DSCAM: variants seen among roughly 807,000 people sequenced by gnomAD.
DSCAM encodes the protein DS cell adhesion molecule.
In DSCAM, 47 loss-of-function variants were observed where a neutral mutation model predicts 217.7. The ratio of observed to expected loss-of-function variants is 0.22; its 90% CI spans 0.17 to 0.28. DSCAM has a LOEUF of 0.28. Ranked by LOEUF, DSCAM falls within the 10% of genes least tolerant of loss-of-function variation. The probability of loss-of-function intolerance (pLI) is 1.00; values close to 1 mark genes in which losing one functional copy is unlikely to be tolerated. For missense variants in DSCAM, 2,080 were observed against 2,618.3 expected, an observed-to-expected ratio of 0.79 and a Z score of 4.49; for synonymous variants, 1,056 against 1,015.3, an observed-to-expected ratio of 1.04 and a Z score of -0.76.
intron 3 of DSCAM, among the ~76,000 whole-genome samples, chr21:40,445,959 G>A (rs1433558052): frequency 6.6e-6 from 1 of 152,128 alleles, no homozygotes; most frequent in East Asian, 1.9e-4. Context: ...AGAAAAATAT[G>A]TGCATATCTG....
chr21:40,459,634 C>T (rs551417021), intron 3 of DSCAM, among the ~76,000 whole-genome samples: 55 of 152,160 alleles, frequency 3.6e-4, no homozygotes, highest in African/African-American at 1.3e-3. Flanking sequence ...ATTGAGTAAG[C>T]GGAATGCAGA....
chr21:40,045,160 C>G (rs1249106797), intron 30 of DSCAM, among the ~76,000 whole-genome samples: 1 of 152,182 alleles, frequency 6.6e-6, no homozygotes, highest in African/African-American at 2.4e-5. Flanking sequence ...TTTGGTGGTA[C>G]TACGTTAAAA....
At chr21:40,774,100 T>G (rs1453582800) in intron 1 of DSCAM, among the ~76,000 whole-genome samples, 1 of 152,186 alleles carries the variant, frequency 6.6e-6, no homozygotes, top group East Asian at 1.9e-4. Context: ...CAGAGCACTT[T>G]AAGACAACAG....
At chr21:40,609,529 C>A (rs193085018) in intron 3 of DSCAM, among the ~76,000 whole-genome samples, 10 of 152,156 alleles carry the variant, frequency 6.6e-5, no homozygotes, top group Admixed American at 3.9e-4. Context: ...GTAGCAAGGA[C>A]GGCAATTAAG....
chr21:40,523,288 C>T (rs1408289413), intron 3 of DSCAM, among the ~76,000 whole-genome samples: 3 of 152,074 alleles, frequency 2.0e-5, no homozygotes, highest in Non-Finnish European at 1.5e-5. Context: ...ATTGCAATTC[C>T]CAAGACCACC....
chr21:40,383,812 A>G (rs1439556709), intron 3 of DSCAM: 1 of 152,184 alleles, frequency 6.6e-6, no homozygotes, highest in South Asian at 2.1e-4. Context: ...TTATAATTAC[A>G]TTGTTTTAAG....
intron 3 of DSCAM, among the ~76,000 whole-genome samples, chr21:40,414,754 G>C (rs1222331444): frequency 6.6e-6 from 1 of 152,182 alleles, no homozygotes. Context: ...TCTCGAGTGA[G>C]TCATTACCTG....
intron 3 of DSCAM, among the ~76,000 whole-genome samples, chr21:40,521,787 GCA>G (rs958675167): frequency 6.6e-6 from 1 of 152,110 alleles, no homozygotes; most frequent in Non-Finnish European, 1.5e-5. Context: ...GCGTTCTGTT[GCA>G]CAGTCTGGCA....
intron 3 of DSCAM, among the ~76,000 whole-genome samples, chr21:40,509,815 T>C (rs960086240): frequency 1.3e-5 from 2 of 152,330 alleles, no homozygotes; most frequent in African/African-American, 4.8e-5. Flanking sequence ...TTATTACACA[T>C]GCTTTGATCT....
chr21:40,365,018 A>C (rs1453181923), intron 4 of DSCAM, among the ~76,000 whole-genome samples: 1 of 150,692 alleles, frequency 6.6e-6, no homozygotes, highest in Non-Finnish European at 1.5e-5. Flanking sequence ...CTTTTCACTT[A>C]TCCCACTATA....
intron 1 of DSCAM, among the ~76,000 whole-genome samples, chr21:40,814,099 G>A (rs1428602551): frequency 6.6e-6 from 1 of 152,186 alleles, no homozygotes; most frequent in African/African-American, 2.4e-5. Context: ...TAATACCCAA[G>A]AGGAAGCAGA....
intron 11 of DSCAM, among the ~76,000 whole-genome samples, chr21:40,249,924 C>T (rs2073279381): frequency 6.6e-6 from 1 of 152,180 alleles, no homozygotes; most frequent in Admixed American, 6.5e-5. Context: ...GGCCTCCTGG[C>T]ACTATTCCAA....
intron 1 of DSCAM, among the ~76,000 whole-genome samples, chr21:40,827,238 A>G (rs1236953442): frequency 1.3e-5 from 2 of 152,176 alleles, no homozygotes; most frequent in Non-Finnish European, 2.9e-5. Context: ...GAGGAAATCT[A>G]GAAACGTGGC....
chr21:40,257,612 G>C (rs567809095), intron 11 of DSCAM, among the ~76,000 whole-genome samples: 1 of 152,104 alleles, frequency 6.6e-6, no homozygotes, highest in South Asian at 2.1e-4. Context: ...TGAATGAGCA[G>C]AATGGATTCA....
At chr21:40,293,839 T>G (rs1394192285) in intron 10 of DSCAM, among the ~76,000 whole-genome samples, 2 of 151,712 alleles carry the variant, frequency 1.3e-5, no homozygotes, top group Non-Finnish European at 2.9e-5. Context: ...AAAAAAAAAG[T>G]CATATTAAGC....
At chr21:40,367,090 C>G (rs755126110) in intron 4 of DSCAM, among the ~76,000 whole-genome samples, 2 of 152,144 alleles carry the variant, frequency 1.3e-5, no homozygotes, top group African/African-American at 2.4e-5. Flanking sequence ...AGGACATAGA[C>G]CATCACTGGC....
intron 10 of DSCAM, among the ~76,000 whole-genome samples, chr21:40,286,945 G>A (rs1292951982): frequency 1.3e-5 from 2 of 151,420 alleles, no homozygotes; most frequent in Non-Finnish European, 2.9e-5. Flanking sequence ...GATCTGCAGT[G>A]TGATCCATGG....
At chr21:40,165,284 G>C (rs2090581976) in intron 16 of DSCAM, among the ~76,000 whole-genome samples, 1 of 152,148 alleles carries the variant, frequency 6.6e-6, no homozygotes, top group Non-Finnish European at 1.5e-5. Context: ...TCGTGTAATA[G>C]TGTCCAATTC....
At chr21:40,721,708 C>T (rs146359408) in intron 1 of DSCAM, among the ~76,000 whole-genome samples, 206 of 151,966 alleles carry the variant, frequency 1.4e-3, no homozygotes, top group Non-Finnish European at 2.3e-3. Context: ...GCCTAATATA[C>T]GTATAATTGG....
Sources: allele counts gnomAD v4.1 joint callset (sites outside exome capture counted in the v4.1 genomes callset), GRCh38; gene constraint gnomAD v4.1.1; transcripts MANE v1.5; gene names NCBI Gene and HGNC (gene_info 2026-07-23, HGNC 2026-07-21).